NAV3: variants seen among roughly 807,000 people sequenced by gnomAD.
NAV3 encodes neuron navigator 3.
In NAV3, 87 loss-of-function variants were observed where a neutral mutation model predicts 244.7. That is an observed-to-expected ratio of 0.36 (90% CI 0.30 to 0.42). The LOEUF is 0.42. Ranked by LOEUF, NAV3 falls within the 20% of genes least tolerant of loss-of-function variation. The probability of loss-of-function intolerance (pLI) is 1.00; values close to 1 mark genes in which losing one functional copy is unlikely to be tolerated. For synonymous variants in NAV3, 1,126 were observed against 1,042.2 expected (o/e 1.08, Z -1.55); for missense variants, 2,663 against 2,893.3 (o/e 0.92, Z 1.83).
intron 2 of NAV3, among the ~76,000 whole-genome samples, chr12:77,582,079 C>G (rs1237777276): frequency 6.6e-6 from 1 of 152,176 alleles, no homozygotes; most frequent in East Asian, 1.9e-4. Context: ...GGGACAGGGA[C>G]TTTCCCAAGA....
chr12:77,766,135 AT>A (rs1333952493), intron 2 of NAV3, among the ~76,000 whole-genome samples: 1 of 152,146 alleles, frequency 6.6e-6, no homozygotes, highest in Non-Finnish European at 1.5e-5. Flanking sequence ...CAGGCTGTCT[AT>A]TTTTTCCCCT....
rs757676255 is a variant in NAV3 at position 78,051,031 on chromosome 12, C to G, written c.2400C>G (p.Asp800Glu). The G allele has an allele frequency of 6.2e-7, 1 of 1,614,128 alleles. No homozygotes were observed. Among genetic ancestry groups the G allele is most frequent in the African/African-American group, 1.3e-5 (1 of 75,032 alleles). The change falls in exon 11 of 40, where the codon GAC (aspartate) becomes GAG (glutamate). Residue 800 changes from aspartate (D) to glutamate (E), a missense_variant. By Grantham distance (45) the Asp-to-Glu change is conservative. Around this residue, in one of 6 missense-constraint regions of NAV3, gnomAD observed 1,521 missense variants for 1,497.0 expected, o/e 1.02. Transcript: ENST00000397909. ...VSRLGNMSQI[D>E]MSEKASSDLD... is the part of the protein sequence containing the mutation. ...GGCTGGGAAACATGTCACAGATTGA[C>G]ATGAGTGAGAAAGCAAGCAGTGACC...
At chr12:78,012,144 G>C (rs912215465) in intron 8 of NAV3, among the ~76,000 whole-genome samples, 1 of 152,076 alleles carries the variant, frequency 6.6e-6, no homozygotes, top group Non-Finnish European at 1.5e-5. Flanking sequence ...TTTAGATTTT[G>C]TTTTTCTCTT....
At chr12:77,784,596 GT>G (rs944577077) in intron 2 of NAV3, among the ~76,000 whole-genome samples, 3 of 152,120 alleles carry the variant, frequency 2.0e-5, no homozygotes, top group African/African-American at 7.2e-5. Context: ...AAGAAGGATA[GT>G]TCTTCACCTC....
intron 2 of NAV3, among the ~76,000 whole-genome samples, chr12:77,683,228 A>C (rs1331548874): frequency 6.6e-6 from 1 of 152,026 alleles, no homozygotes. Context: ...ATTCTTTTGC[A>C]TGTGGTTTTC....
chr12:77,753,986 G>C (rs1367431731), intron 2 of NAV3, among the ~76,000 whole-genome samples: 2 of 152,090 alleles, frequency 1.3e-5, no homozygotes, highest in Non-Finnish European at 2.9e-5. Context: ...CTGTTATCTT[G>C]AGTCTTGTCA....
At chr12:78,150,190 TA>T (rs1417724042) in intron 22 of NAV3, among the ~76,000 whole-genome samples, 1 of 152,114 alleles carries the variant, frequency 6.6e-6, no homozygotes, top group African/African-American at 2.4e-5. Flanking sequence ...CCTGAATTTG[TA>T]CCCAGAGGAA....
At chr12:77,925,946 A>C (rs1412318428) in intron 1 of NAV3, among the ~76,000 whole-genome samples, 1 of 152,198 alleles carries the variant, frequency 6.6e-6, no homozygotes, top group Admixed American at 6.6e-5. Context: ...GAATCTTCCA[A>C]GTAGTCTAAT....
In NAV3 at chr12:77,992,357, A is replaced by G. The variant is rs947165894; in HGVS notation, c.672-2446A>G. On this transcript the variant is annotated intron_variant, in intron 5 of 39. Transcript: ENST00000397909. ...AACATAGGTACAAATGGAATTATAG[A>G]TATTTAATTAGTATGACTAGGTATT... Among the ~76,000 whole-genome samples, 29 of 152,238 alleles carry G rather than the reference A, an allele frequency of 1.9e-4. 1 individual carries two copies. The highest frequency in any genetic ancestry group is 5.9e-4 in the Admixed American group (9 of 15,290).
chr12:78,131,706 T>C (rs962365646), intron 18 of NAV3, among the ~76,000 whole-genome samples: 13 of 152,340 alleles, frequency 8.5e-5, no homozygotes, highest in African/African-American at 2.9e-4. Flanking sequence ...CTGACATTGG[T>C]GAAGTCGTTT....
At chr12:77,686,428 T>TTTC (rs1874753662) in intron 2 of NAV3, among the ~76,000 whole-genome samples, 21 of 43,040 alleles carry the variant, frequency 4.9e-4, no homozygotes, top group Admixed American at 2.0e-3. Flanking sequence ...TTCTTTCTTT[T>TTTC]TTTTTTTTTT....
At chr12:77,920,039 C>T (rs1396407429) in intron 1 of NAV3, among the ~76,000 whole-genome samples, 3 of 151,904 alleles carry the variant, frequency 2.0e-5, no homozygotes, top group South Asian at 2.1e-4. Context: ...ATCAACTGCA[C>T]GTGAAATATA....
intron 2 of NAV3, among the ~76,000 whole-genome samples, chr12:77,686,906 T>C (rs1361709232): frequency 6.6e-6 from 1 of 152,072 alleles, no homozygotes; most frequent in East Asian, 1.9e-4. Context: ...TGTAGAAGAA[T>C]TTTTTAAAAA....
chr12:77,793,045 C>A (rs141261923), intron 2 of NAV3, among the ~76,000 whole-genome samples: 53 of 152,230 alleles, frequency 3.5e-4, no homozygotes, highest in African/African-American at 1.3e-3. Context: ...AAGCTTTCTT[C>A]TTGCAAATAC....
At chr12:77,826,866 T>C (rs1873056753), upstream of NAV3, among the ~76,000 whole-genome samples, 1 of 152,170 alleles carries the variant, frequency 6.6e-6, no homozygotes, top group Non-Finnish European at 1.5e-5. Context: ...CATTGAATTA[T>C]TTCCTTATAT....
At chr12:78,111,307 G>A (rs1955080938) in intron 12 of NAV3, among the ~76,000 whole-genome samples, 1 of 151,922 alleles carries the variant, frequency 6.6e-6, no homozygotes, top group Non-Finnish European at 1.5e-5. Flanking sequence ...AGGTGGATAG[G>A]CATTAAGTCA....
chr12:77,602,397 T>C (rs923239382), intron 2 of NAV3, among the ~76,000 whole-genome samples: 1 of 152,040 alleles, frequency 6.6e-6, no homozygotes, highest in African/African-American at 2.4e-5. Context: ...ATTTTAGATA[T>C]ATTAAATTTG....
At chr12:78,183,266 C>G (rs1479513577) in intron 30 of NAV3, among the ~76,000 whole-genome samples, 3 of 151,958 alleles carry the variant, frequency 2.0e-5, no homozygotes, top group African/African-American at 7.2e-5. Flanking sequence ...TGTCAATATT[C>G]TCTGAACTGG....
chr12:78,109,270 A>G (rs1954964911), intron 12 of NAV3, among the ~76,000 whole-genome samples: 1 of 152,090 alleles, frequency 6.6e-6, no homozygotes, highest in African/African-American at 2.4e-5. Context: ...AGAAAACCTG[A>G]ACATATCAGT....
Sources: gnomAD v4.1 joint callset for allele counts (sites outside exome capture counted in the v4.1 genomes callset) on GRCh38, gnomAD v4.1.1 for gene constraint, gnomAD v4.1.1 regional missense constraint, MANE v1.5 for transcripts, NCBI Gene and HGNC (gene_info 2026-07-23, HGNC 2026-07-21) for gene names.